Variants in ATXN7L1 observed in about 807,000 individuals in gnomAD.
The protein encoded by ATXN7L1 is ataxin 7 like 1, also known as ataxin-7-like protein 1.
ATXN7L1 carries 15 observed loss-of-function variants against 70.8 expected under a neutral mutation model. The observed-to-expected ratio is 0.21, with a 90% confidence interval of 0.14 to 0.33. The LOEUF (loss-of-function observed/expected upper bound fraction) is 0.33. ATXN7L1 is among the 10% of genes least tolerant of loss of function. The pLI is 1.00. For synonymous variants in ATXN7L1, 440 were observed against 445.1 expected, an observed-to-expected ratio of 0.99 and a Z score of 0.14; for missense variants, 975 against 1,097.1, an observed-to-expected ratio of 0.89 and a Z score of 1.57.
At chr7:105,815,024 T>C (rs1310204771) in intron 2 of ATXN7L1, among the ~76,000 whole-genome samples, 1 of 152,176 alleles carries the variant, frequency 6.6e-6, no homozygotes, top group Non-Finnish European at 1.5e-5. Flanking sequence ...GGACTAGTCC[T>C]TTCTGGAAAG....
Position 105,732,752 on chromosome 7 carries a change from T to G in ATXN7L1, c.355+55852A>C, listed in dbSNP as rs552194588. ...CAGTAGCTTTGGAGATCCATCACTCTTCTGCTCAAATCCCTTTAATCTCCT... is the reference window on the plus strand; with the variant it reads ...CAGTAGCTTTGGAGATCCATCACTCGTCTGCTCAAATCCCTTTAATCTCCT... On this transcript the variant is annotated intron_variant, in intron 3 of 11. Coordinates refer to ENST00000419735, the MANE Select transcript of ATXN7L1 (RefSeq NM_020725.2). Among the ~76,000 whole-genome samples the G allele has an allele frequency of 2.0e-5, 3 of 152,322 alleles. No homozygotes were observed. In the East Asian group the frequency reaches 5.8e-4, roughly 29 times the overall value.
At chr7:105,840,220 G>C (rs903707646) in intron 2 of ATXN7L1, among the ~76,000 whole-genome samples, 1 of 152,230 alleles carries the variant, frequency 6.6e-6, no homozygotes, top group South Asian at 2.1e-4. Context: ...GTGACAATCC[G>C]ATCTGAGTTC....
chr7:105,838,090 TA>T (rs1812670477), intron 2 of ATXN7L1, among the ~76,000 whole-genome samples: 1 of 152,246 alleles, frequency 6.6e-6, no homozygotes, highest in African/African-American at 2.4e-5. Context: ...GTGTAGACAA[TA>T]AAGCGCAATA....
intron 3 of ATXN7L1, among the ~76,000 whole-genome samples, chr7:105,744,371 C>T (rs1177310002): frequency 6.6e-6 from 1 of 152,094 alleles, no homozygotes; most frequent in African/African-American, 2.4e-5. Context: ...CCTTATCTTG[C>T]CCAAGAGCTT....
chr7:105,796,466 C>A (rs759589823), intron 2 of ATXN7L1, among the ~76,000 whole-genome samples: 2 of 152,084 alleles, frequency 1.3e-5, no homozygotes, highest in African/African-American at 2.4e-5. Context: ...GTGACAATGG[C>A]CAGAGGACCA....
chr7:105,636,694 T>C (rs183619613), intron 7 of ATXN7L1, among the ~76,000 whole-genome samples: 1 of 152,106 alleles, frequency 6.6e-6, no homozygotes, highest in South Asian at 2.1e-4. Context: ...AGTGCCTCCA[T>C]CAGTCAAAAA....
At chr7:105,747,751 G>A (rs1177924698) in intron 3 of ATXN7L1, among the ~76,000 whole-genome samples, 4 of 152,168 alleles carry the variant, frequency 2.6e-5, no homozygotes, top group African/African-American at 9.7e-5. Context: ...TGAATTAGAG[G>A]ACATCCAGCT....
intron 2 of ATXN7L1, among the ~76,000 whole-genome samples, chr7:105,796,303 A>T (rs1350984369): frequency 6.6e-6 from 1 of 152,208 alleles, no homozygotes; most frequent in Non-Finnish European, 1.5e-5. Flanking sequence ...CGGAGCTTGC[A>T]GTGAACAGAG....
chr7:105,722,259 G>A (rs2116304022), intron 3 of ATXN7L1, among the ~76,000 whole-genome samples: 1 of 152,156 alleles, frequency 6.6e-6, no homozygotes, highest in South Asian at 2.1e-4. Flanking sequence ...TTAAAGTGGG[G>A]TCCATATTAA....
chr7:105,830,510 A>C (rs1372901604), intron 2 of ATXN7L1, among the ~76,000 whole-genome samples: 1 of 152,262 alleles, frequency 6.6e-6, no homozygotes, highest in African/African-American at 2.4e-5. Context: ...AATGTTATAC[A>C]TACCTAACGT....
intron 3 of ATXN7L1, among the ~76,000 whole-genome samples, chr7:105,708,651 T>C (rs1793482901): frequency 6.6e-6 from 1 of 152,206 alleles, no homozygotes; most frequent in Non-Finnish European, 1.5e-5. Flanking sequence ...TCCTTTCAAA[T>C]AAGTTCTGTT....
At position 105,697,258 on chromosome 7, in the gene ATXN7L1, A is replaced by G. The variant is rs1372742300; in HGVS notation, c.356-31970T>C. On this transcript the variant is annotated intron_variant, in intron 3 of 11. Coordinates refer to ENST00000419735, the MANE Select transcript of ATXN7L1 (RefSeq NM_020725.2). Reference sequence around the variant, plus strand: ...CTAATAAGCCTGGGAGCGCTATGGGAGACTGGAGTCTATCTCACCGCTGCA... The same window carrying G: ...CTAATAAGCCTGGGAGCGCTATGGGGGACTGGAGTCTATCTCACCGCTGCA... 2.0e-5 allele frequency among the ~76,000 whole-genome samples: 3 copies of G among 152,152 alleles called. No homozygotes were observed. In the South Asian group the frequency reaches 6.2e-4, roughly 31 times the overall value.
intron 4 of ATXN7L1, among the ~76,000 whole-genome samples, chr7:105,659,234 T>A (rs754735645): frequency 1.3e-5 from 2 of 152,244 alleles, no homozygotes; most frequent in African/African-American, 4.8e-5. Context: ...TACATTTCTA[T>A]TGGATAGTGC....
intron 3 of ATXN7L1, among the ~76,000 whole-genome samples, chr7:105,729,979 C>A (rs537972679): frequency 7.3e-4 from 111 of 152,162 alleles, no homozygotes; most frequent in Non-Finnish European, 1.3e-3. Context: ...CCTAGTGATC[C>A]GCCCGTCTCG....
intron 2 of ATXN7L1, among the ~76,000 whole-genome samples, chr7:105,846,260 G>T (rs1158531463): frequency 6.6e-6 from 1 of 152,102 alleles, no homozygotes; most frequent in Non-Finnish European, 1.5e-5. Flanking sequence ...GATCGCTTGA[G>T]CCTAGGAGAT....
At chr7:105,787,859 A>G (rs1395655622) in intron 3 of ATXN7L1, among the ~76,000 whole-genome samples, 1 of 152,248 alleles carries the variant, frequency 6.6e-6, no homozygotes, top group Non-Finnish European at 1.5e-5. Context: ...ACAGCATATT[A>G]CAGCTTTGGA....
intron 4 of ATXN7L1, among the ~76,000 whole-genome samples, chr7:105,652,116 A>G (rs1403768557): frequency 6.6e-6 from 1 of 152,170 alleles, no homozygotes; most frequent in Non-Finnish European, 1.5e-5. Context: ...CAAGTCAGAG[A>G]AGAGGAGAAG....
At chr7:105,813,114 A>G (rs1460592078) in intron 2 of ATXN7L1, among the ~76,000 whole-genome samples, 1 of 152,148 alleles carries the variant, frequency 6.6e-6, no homozygotes, top group Admixed American at 6.5e-5. Context: ...GAATTTACCT[A>G]CTTGTATGAC....
chr7:105,748,760 G>A (rs1394782074), intron 3 of ATXN7L1, among the ~76,000 whole-genome samples: 1 of 152,156 alleles, frequency 6.6e-6, no homozygotes, highest in African/African-American at 2.4e-5. Flanking sequence ...CAGCACTCAG[G>A]GCCAAGTGTG....
Sources: gnomAD v4.1 joint callset for allele counts (sites outside exome capture counted in the v4.1 genomes callset) on GRCh38, gnomAD v4.1.1 for gene constraint, MANE v1.5 for transcripts, NCBI Gene and HGNC (gene_info 2026-07-23, HGNC 2026-07-21) for gene names.